CRPPA: variants seen among roughly 807,000 people sequenced by gnomAD.
CRPPA encodes the protein CDP-L-ribitol pyrophosphorylase A.
A neutral mutation model predicts 52.0 loss-of-function variants in CRPPA; 43 were observed. The observed-to-expected ratio is 0.83, with a 90% CI of 0.65 to 1.07. The LOEUF (loss-of-function observed/expected upper bound fraction) is 1.07, where lower values mean the gene tolerates loss of function less well. Among genes scored for constraint, CRPPA ranks in the 50% least tolerant of loss-of-function variants. The probability of loss-of-function intolerance (pLI) is 0.00; values close to 1 mark genes in which losing one functional copy is unlikely to be tolerated. For synonymous variants in CRPPA, 250 were observed against 203.5 expected (o/e 1.23, Z -1.94); for missense variants, 629 against 551.7 (o/e 1.14, Z -1.40).
At chr7:16,406,363 C>T (rs570521865) in intron 1 of CRPPA, 26 bp from the exon 2 acceptor site, 13 of 1,585,034 alleles carry the variant, frequency 8.2e-6, no homozygotes, top group South Asian at 3.4e-5. Flanking sequence ...ATGTACAATT[C>T]GTAAATTAAT....
At chr7:16,355,518 G>A (rs983941821) in intron 3 of CRPPA, among the ~76,000 whole-genome samples, 5 of 152,080 alleles carry the variant, frequency 3.3e-5, no homozygotes, top group African/African-American at 7.2e-5. Context: ...GTCTCTACTC[G>A]ATGCTTTCTG....
chr7:16,362,247 T>C (rs976649701), intron 3 of CRPPA, among the ~76,000 whole-genome samples: 4 of 152,232 alleles, frequency 2.6e-5, no homozygotes, highest in Non-Finnish European at 5.9e-5. Flanking sequence ...ACAATACTTA[T>C]TCTCACAGCG....
intron 2 of CRPPA, among the ~76,000 whole-genome samples, chr7:16,378,106 T>G (rs1786949027): frequency 1.3e-5 from 2 of 152,060 alleles, no homozygotes; most frequent in Non-Finnish European, 2.9e-5. Flanking sequence ...TTTTTAATTT[T>G]TTTAAATTTT....
At chr7:16,092,783 A>G (rs987755703) in intron 9 of CRPPA, among the ~76,000 whole-genome samples, 2 of 152,190 alleles carry the variant, frequency 1.3e-5, no homozygotes, top group Non-Finnish European at 2.9e-5. Flanking sequence ...GTCTGATCCC[A>G]TTACCTGGTA....
intron 4 of CRPPA, among the ~76,000 whole-genome samples, chr7:16,307,673 CAAAAA>C (rs55682769): frequency 6.8e-5 from 3 of 44,364 alleles, no homozygotes; most frequent in East Asian, 1.5e-3. Flanking sequence ...GAAACTCTGT[CAAAAA>C]AAAAAAAAAA....
intron 6 of CRPPA, among the ~76,000 whole-genome samples, chr7:16,266,759 A>G (rs1783965633): frequency 6.6e-6 from 1 of 152,134 alleles, no homozygotes; most frequent in African/African-American, 2.4e-5. Context: ...GATTACAGGC[A>G]CGAGCCACCG....
intron 5 of CRPPA, among the ~76,000 whole-genome samples, chr7:16,296,599 A>C (rs1005977802): frequency 3.9e-5 from 6 of 152,146 alleles, no homozygotes; most frequent in African/African-American, 1.2e-4. Context: ...CACTTAAAAA[A>C]AAACAAACAT....
intron 9 of CRPPA, among the ~76,000 whole-genome samples, chr7:16,192,502 T>C (rs553921326): frequency 6.6e-6 from 1 of 152,262 alleles, no homozygotes; most frequent in South Asian, 2.1e-4. Context: ...TACATACAAC[T>C]GTATATCTGC....
Position 16,398,099 on chromosome 7 carries a change from G to C in CRPPA, c.534+7962C>G, listed in dbSNP as rs541895594. Reference sequence around the variant, plus strand: ...TTGACACGTGAACAATAACATTATTGACATGACTGACAGGTGATTGACATT... The same window carrying C: ...TTGACACGTGAACAATAACATTATTCACATGACTGACAGGTGATTGACATT... On this transcript the variant is annotated intron_variant, in intron 2 of 9. Transcript: ENST00000407010. Among the ~76,000 whole-genome samples the C allele has an allele frequency of 5.3e-5, 8 of 151,254 alleles. No individual in the cohort carries two copies. In the East Asian group the frequency reaches 1.6e-3, roughly 30 times the overall value.
intron 3 of CRPPA, among the ~76,000 whole-genome samples, chr7:16,327,788 T>C (rs1357989815): frequency 6.6e-6 from 1 of 152,078 alleles, no homozygotes; most frequent in Non-Finnish European, 1.5e-5. Context: ...ATATAGGCAC[T>C]GAAGGGGGAA....
At chr7:16,204,028 A>T (rs1781914837) in intron 9 of CRPPA, among the ~76,000 whole-genome samples, 1 of 152,196 alleles carries the variant, frequency 6.6e-6, no homozygotes, top group African/African-American at 2.4e-5. Context: ...GATGAAATTT[A>T]AAAATTGCGT....
chr7:16,087,729 C>T lies in CRPPA; in HGVS notation c.*3966G>A, dbSNP rs1435252107. 6.6e-6 allele frequency: 1 copy of T among 152,096 alleles called. No homozygotes were observed. The highest frequency in any genetic ancestry group is 1.5e-5 in the Non-Finnish European group (1 of 67,986). 9.4% of individuals were successfully genotyped at this position (152,096 alleles called of 1,614,324 possible). On this transcript the variant is annotated 3_prime_UTR_variant, in exon 10 of 10. Coordinates refer to ENST00000407010, the MANE Select transcript of CRPPA (RefSeq NM_001101426.4). ...TACTTCTAGTCCACTGATTTTAAGC[C>T]ATACTAACAAATCCTATATCAATTA... is the stretch of plus-strand genomic sequence containing the variant.
intron 6 of CRPPA, chr7:16,270,122 A>C (rs529407968): frequency 1.3e-5 from 2 of 152,154 alleles, no homozygotes; most frequent in Admixed American, 6.5e-5. Context: ...GTTAAAGGCT[A>C]AGACTTGACT....
intron 9 of CRPPA, among the ~76,000 whole-genome samples, chr7:16,115,438 C>T (rs115774616): frequency 7.5e-4 from 114 of 152,164 alleles, no homozygotes; most frequent in African/African-American, 2.5e-3. Flanking sequence ...AAATTACATA[C>T]GAATACACTC....
intron 5 of CRPPA, among the ~76,000 whole-genome samples, chr7:16,300,558 A>G (rs892886380): frequency 4.6e-5 from 7 of 152,188 alleles, no homozygotes. Flanking sequence ...CCTAGGGAAC[A>G]TTTGGCAATA....
Position 16,315,326 on chromosome 7 carries a change from C to A in CRPPA, c.685-6699G>T, listed in dbSNP as rs77440550. Reference sequence around the variant, plus strand: ...TATTAATCATAGTTGTTTTAAATTCCCAGTTGGGTAATTTCAATGTTGCCA... The same window carrying A: ...TATTAATCATAGTTGTTTTAAATTCACAGTTGGGTAATTTCAATGTTGCCA... On this transcript the variant is annotated intron_variant, in intron 3 of 9. Transcript: ENST00000407010. Among the ~76,000 whole-genome samples the A allele has an allele frequency of 4.6e-5, 7 of 152,150 alleles. No individual in the cohort carries two copies. In the East Asian group the frequency reaches 1.4e-3, roughly 29 times the overall value.
intron 9 of CRPPA, among the ~76,000 whole-genome samples, chr7:16,166,826 AC>A (rs1781075991): frequency 6.6e-6 from 1 of 151,096 alleles, no homozygotes; most frequent in East Asian, 2.0e-4. Flanking sequence ...CTACCCCTTC[AC>A]CCATGCCAAT....
chr7:16,357,652 A>C (rs1786336192), intron 3 of CRPPA, among the ~76,000 whole-genome samples: 1 of 152,232 alleles, frequency 6.6e-6, no homozygotes. Context: ...TGACCTCAGG[A>C]GAAAAGCTAT....
intron 8 of CRPPA, among the ~76,000 whole-genome samples, chr7:16,238,641 TA>T (rs1223906712): frequency 4.6e-5 from 7 of 152,130 alleles, no homozygotes; most frequent in African/African-American, 7.2e-5. Context: ...CAAAATAACC[TA>T]TGAGTCTTGT....
Sources: gnomAD v4.1 joint callset for allele counts (sites outside exome capture counted in the v4.1 genomes callset) on GRCh38, gnomAD v4.1.1 for gene constraint, MANE v1.5 for transcripts, NCBI Gene and HGNC (gene_info 2026-07-23, HGNC 2026-07-21) for gene names.